The following GFI1B variants were observed in gnomAD, a reference collection of about 807,000 sequenced individuals.
The protein encoded by GFI1B is zinc finger protein Gfi-1b.
Under a neutral mutation model 35.3 loss-of-function variants are expected in GFI1B, and 20 were observed. The ratio of observed to expected loss-of-function variants is 0.57; its 90% CI spans 0.40 to 0.82. GFI1B has a LOEUF of 0.82. GFI1B is among the 40% of genes least tolerant of loss of function. The pLI, the probability that GFI1B is intolerant of heterozygous loss-of-function variation, is 0.00. For synonymous variants in GFI1B, 178 were observed against 177.6 expected (o/e 1.00, Z -0.02); for missense variants, 430 against 446.3 (o/e 0.96, Z 0.33).
At chr9:132,961,462 T>C (rs1397165436) in intron 1 of GFI1B, among the ~76,000 whole-genome samples, 1 of 149,688 alleles carries the variant, frequency 6.7e-6, no homozygotes, top group Non-Finnish European at 1.5e-5. Context: ...AAATGGAAAG[T>C]TTTCAGAAAA....
At chr9:132,955,459 T>A (rs1848268215) in intron 1 of GFI1B, among the ~76,000 whole-genome samples, 1 of 152,108 alleles carries the variant, frequency 6.6e-6, no homozygotes, top group East Asian at 1.9e-4. Context: ...CCAGCTACTT[T>A]TTAAAACATT....
At chr9:132,950,976 C>T (rs1848192799) in intron 1 of GFI1B, among the ~76,000 whole-genome samples, 1 of 151,768 alleles carries the variant, frequency 6.6e-6, no homozygotes, top group South Asian at 2.1e-4. Context: ...TAGCTGGGAC[C>T]ACAGGAGTGT....
chr9:132,989,629 C>G lies in GFI1B; in HGVS notation c.649-113C>G. On this transcript the variant is annotated intron_variant, in intron 5 of 6. Transcript: ENST00000372122. The surrounding 1 kb of genome is among the most constrained non-coding windows in gnomAD (Gnocchi z 6.2). Reference sequence around the variant, plus strand: ...TCAGAGGCAGAGATGAGGGGTCCCCCGGTCCTGCTCCTCCAGGCCGCCCCA... The same window carrying G: ...TCAGAGGCAGAGATGAGGGGTCCCCGGGTCCTGCTCCTCCAGGCCGCCCCA... 1 of 780,874 alleles carries G rather than the reference C, an allele frequency of 1.3e-6. No homozygotes were observed. Among genetic ancestry groups the G allele is most frequent in the East Asian group, 2.7e-5 (1 of 37,260 alleles). 48.4% of individuals were successfully genotyped at this position (780,874 alleles called of 1,614,324 possible).
In GFI1B at chr9:132,991,060, G is replaced by GGCTCCCA; in HGVS notation, c.*16_*22dup. On this transcript the variant is annotated 3_prime_UTR_variant, in exon 7 of 7. Transcript: ENST00000372122. Reference sequence around the variant, plus strand: ...GCACAATCTCAAGTGAGGCTGCGCCGGCTCCCAGCTCCTGGCCAGCCTGCC... The same window carrying GGCTCCCA: ...GCACAATCTCAAGTGAGGCTGCGCCGGCTCCCAGCTCCCAGCTCCTGGCCAGCCTGCC... 6.2e-7 allele frequency: 1 copy of GGCTCCCA among 1,611,628 alleles called. No homozygotes were observed. Among genetic ancestry groups the GGCTCCCA allele is most frequent in the Non-Finnish European group, 8.5e-7 (1 of 1,179,358 alleles).
chr9:132,966,390 C>T (rs111574177), intron 1 of GFI1B, among the ~76,000 whole-genome samples: 4 of 151,358 alleles, frequency 2.6e-5, no homozygotes, highest in Non-Finnish European at 4.4e-5. Flanking sequence ...AGAACAAGAA[C>T]AAGAAAAAAG....
intron 1 of GFI1B, among the ~76,000 whole-genome samples, chr9:132,982,108 G>C (rs1371048185): frequency 6.6e-6 from 1 of 152,230 alleles, no homozygotes; most frequent in Non-Finnish European, 1.5e-5. Context: ...AGCTGACCCT[G>C]AGAACCAGCT....
In GFI1B at chr9:132,986,657, A is replaced by AG. The variant is rs763459499; in HGVS notation, c.-20dup. The AG allele has an allele frequency of 4.1e-6, 6 of 1,473,164 alleles. No individual in the cohort carries two copies. In the Admixed American group the frequency reaches 5.2e-5, roughly 13 times the overall value. The allele number at this position is 1,473,164 out of a possible 1,614,324, so 91.3% of individuals were successfully genotyped here. On this transcript the variant is annotated splice_acceptor_variant, in intron 1 of 6. Transcript: ENST00000372122. LOFTEE classifies it low-confidence loss of function (5UTR_SPLICE). ...AACCGCTCCCATCCCTCCCCCTTGC[A>AG]GGTGTGGGGTGCACACTGAAAATGC...
downstream of GFI1B, among the ~76,000 whole-genome samples, chr9:132,991,850 C>T (rs1030939644): frequency 6.6e-5 from 10 of 151,986 alleles, no homozygotes; most frequent in Admixed American, 2.0e-4. Flanking sequence ...TGCACAGACC[C>T]GCTGACGAGC....
chr9:132,965,162 G>T (rs1254303862), intron 1 of GFI1B, among the ~76,000 whole-genome samples: 1 of 152,114 alleles, frequency 6.6e-6, no homozygotes, highest in African/African-American at 2.4e-5. Context: ...CGATTTCCTA[G>T]TTCTGAACAC....
intron 1 of GFI1B, among the ~76,000 whole-genome samples, chr9:132,972,084 G>C (rs561208664): frequency 6.6e-6 from 1 of 151,960 alleles, no homozygotes; most frequent in Admixed American, 6.6e-5. Flanking sequence ...AGACCAACCT[G>C]GACAACAGAG....
At chr9:132,992,310 G>A (rs1023607252), downstream of GFI1B, among the ~76,000 whole-genome samples, 6 of 152,120 alleles carry the variant, frequency 3.9e-5, no homozygotes, top group Non-Finnish European at 7.3e-5. Context: ...CGTAATCACC[G>A]TGATTGGCTG....
chr9:132,963,995 CT>C (rs1848410647), intron 1 of GFI1B, among the ~76,000 whole-genome samples: 1 of 152,156 alleles, frequency 6.6e-6, no homozygotes, highest in South Asian at 2.1e-4. Context: ...AATCCCAGCA[CT>C]TTGGGAGGCC....
chr9:132,990,781 A>G, intron 6 of GFI1B, 91 bp from the exon 7 acceptor site: 1 of 1,174,180 alleles, frequency 8.5e-7, no homozygotes, highest in Non-Finnish European at 1.3e-6. Flanking sequence ...AAGGTATTGG[A>G]AAATGAACCC....
upstream of GFI1B, among the ~76,000 whole-genome samples, chr9:132,978,248 G>A (rs560047115): frequency 6.7e-6 from 1 of 150,306 alleles, no homozygotes; most frequent in Admixed American, 6.7e-5. Context: ...GGAAGGGAAG[G>A]AAGGAGGCAG....
In GFI1B at chr9:132,988,372, C is replaced by T. The variant is rs147263604; in HGVS notation, c.414C>T (p.Tyr138=). ...TCCTGGAGCACTCCGTCAGCCTGTA[C>T]GGCAGTCCTCTTGTGCCCAGCACTG... The part of the protein sequence containing the change: ...SAFLEHSVSL[Y]GSPLVPSTEP... The change falls in exon 4 of 7, where the codon TAC becomes TAT. Residue 138 remains tyrosine, a synonymous_variant. Transcript: ENST00000372122. 2.1e-4 allele frequency: 334 copies of T among 1,614,086 alleles called. 1 individual carries two copies. In the African/African-American group the frequency reaches 3.5e-3, roughly 17 times the overall value.
intron 1 of GFI1B, among the ~76,000 whole-genome samples, chr9:132,955,545 G>T (rs1358738113): frequency 6.6e-6 from 1 of 152,132 alleles, no homozygotes; most frequent in Non-Finnish European, 1.5e-5. Flanking sequence ...TCCCGCCTTG[G>T]TCTCCCAAAG....
chr9:132,979,553 C>CT (rs1848745927), intron 1 of GFI1B, among the ~76,000 whole-genome samples: 1 of 152,094 alleles, frequency 6.6e-6, no homozygotes, highest in African/African-American at 2.4e-5. Context: ...TCCCAGGACA[C>CT]TTTGAGAGTC....
At chr9:132,959,926 G>T (rs1416565012) in intron 1 of GFI1B, among the ~76,000 whole-genome samples, 1 of 152,150 alleles carries the variant, frequency 6.6e-6, no homozygotes, top group Admixed American at 6.6e-5. Flanking sequence ...CAGCTGAACC[G>T]AACTTCATCT....
chr9:132,987,445 T>C, intron 3 of GFI1B, 26 bp downstream of exon 3: 1 of 1,613,956 alleles, frequency 6.2e-7, no homozygotes, highest in Non-Finnish European at 8.5e-7. Context: ...CCACTGTCAT[T>C]CCCCAGGGAG....
Sources: gnomAD v4.1 joint callset for allele counts (sites outside exome capture counted in the v4.1 genomes callset) on GRCh38, gnomAD v4.1.1 for gene constraint, Gnocchi (gnomAD v3.1) non-coding constraint, MANE v1.5 for transcripts, NCBI Gene and HGNC (gene_info 2026-07-23, HGNC 2026-07-21) for gene names.